The following DNM1L variants were observed in gnomAD, a reference collection of about 807,000 sequenced individuals.
DNM1L encodes dynamin-1-like protein.
In DNM1L, 33 loss-of-function variants were observed where a neutral mutation model predicts 92.8. The ratio of observed to expected loss-of-function variants is 0.36; its 90% CI spans 0.27 to 0.48. The LOEUF (loss-of-function observed/expected upper bound fraction) is 0.48, where lower values mean the gene tolerates loss of function less well. DNM1L is among the 20% of genes least tolerant of loss of function. DNM1L has a pLI of 0.99. For missense variants in DNM1L, 485 were observed against 888.8 expected (o/e 0.55, Z 5.78); for synonymous variants, 284 against 305.0 (o/e 0.93, Z 0.72).
rs1951739183 is a variant in DNM1L at position 32,679,863 on chromosome 12, G to C, written c.102+398G>C. 5 of 994,470 alleles carry C rather than the reference G, an allele frequency of 5.0e-6. No homozygotes were observed. In the South Asian group the frequency reaches 1.4e-4, roughly 28 times the overall value. The allele number at this position is 994,470 out of a possible 1,614,324, so 61.6% of individuals were successfully genotyped here. On this transcript the variant is annotated intron_variant, in intron 1 of 19. Transcript: ENST00000549701. ...GGGGCACTCGGGTCTCGCTGGGCTCGGTGGGCTGGCTGTTCCCATCACTGT... is the reference window on the plus strand; with the variant it reads ...GGGGCACTCGGGTCTCGCTGGGCTCCGTGGGCTGGCTGTTCCCATCACTGT...
intron 1 of DNM1L, among the ~76,000 whole-genome samples, chr12:32,699,075 C>T (rs61369285): frequency 0.15 from 23,374 of 151,568 alleles, 1,901 homozygotes; most frequent in Middle Eastern, 0.21. Context: ...TATAGAAGAA[C>T]GGCCTTGTTC....
rs1952849172 is a variant in DNM1L, at chr12:32,704,589, ATAATGCT to A, written c.251-2774_251-2768del. Among the ~76,000 whole-genome samples the A allele has an allele frequency of 3.3e-5, 5 of 152,260 alleles. No homozygotes were observed. The South Asian group carries it at 8.3e-4, about 25-fold the overall frequency. On this transcript the variant is annotated intron_variant, in intron 2 of 19. Coordinates refer to ENST00000549701, the MANE Select transcript of DNM1L (RefSeq NM_012062.5). ...AATGCAAACATACATGTTTCGTAGAATAATGCTTAAAATCTTGGTATAATTTGAAATT... is the reference window on the plus strand; with the variant it reads ...AATGCAAACATACATGTTTCGTAGAATAAAATCTTGGTATAATTTGAAATT...
chr12:32,707,456 AT>A, intron 3 of DNM1L, 43 bp downstream of exon 3: 8 of 1,389,402 alleles, frequency 5.8e-6, no homozygotes, highest in African/African-American at 1.5e-5. Flanking sequence ...GTTGAAAAAA[AT>A]ATATTGTATG....
chr12:32,680,470 T>A (rs1951764808), intron 1 of DNM1L, among the ~76,000 whole-genome samples: 1 of 152,198 alleles, frequency 6.6e-6, no homozygotes, highest in African/African-American at 2.4e-5. Flanking sequence ...GTTCAAAGTA[T>A]TAGTGGCTAT....
chr12:32,699,748 G>A (rs1032104048), intron 1 of DNM1L, among the ~76,000 whole-genome samples: 1 of 148,494 alleles, frequency 6.7e-6, no homozygotes, highest in African/African-American at 2.5e-5. Flanking sequence ...GAGCCAAGAT[G>A]GTGCCACTGC....
chr12:32,725,467 G>GA (rs1300601669), intron 9 of DNM1L: 1 of 152,098 alleles, frequency 6.6e-6, no homozygotes, highest in Non-Finnish European at 1.5e-5. Flanking sequence ...ACCTCACTGT[G>GA]GTACCAGTAA....
intron 1 of DNM1L, among the ~76,000 whole-genome samples, chr12:32,690,126 G>T (rs1002922932): frequency 6.6e-6 from 1 of 152,170 alleles, no homozygotes; most frequent in East Asian, 1.9e-4. Flanking sequence ...AAATCACCAG[G>T]TGGGGGAAAA....
chr12:32,730,170 C>T (rs956907822), intron 9 of DNM1L, among the ~76,000 whole-genome samples: 2 of 150,890 alleles, frequency 1.3e-5, no homozygotes, highest in African/African-American at 4.9e-5. Context: ...TCAAGACCAT[C>T]CTGGCCAACG....
In DNM1L at chr12:32,740,422, C is replaced by T. The variant is rs1955210177; in HGVS notation, c.1898C>T (p.Ala633Val). Reference sequence around the variant, plus strand: ...ATCCCTATTTAGCCAGTTCCTGTTGCACGAAAACTATCTGCTCGGGAACAG... The same window carrying T: ...ATCCCTATTTAGCCAGTTCCTGTTGTACGAAAACTATCTGCTCGGGAACAG... ...VNLLDVPVPVARKLSAREQRD... is the reference protein window; with the variant it reads ...VNLLDVPVPVVRKLSAREQRD... The change falls in exon 18 of 20, where the codon GCA (alanine) becomes GTA (valine). Residue 633 changes from alanine (A) to valine (V), a missense_variant. By Grantham distance (64) the Ala-to-Val change is moderately conservative. Around this residue, in one of 11 missense-constraint regions of DNM1L, gnomAD observed 133 missense variants for 210.9 expected, o/e 0.63. Coordinates refer to ENST00000549701, the MANE Select transcript of DNM1L (RefSeq NM_012062.5). 1 of 1,613,834 alleles carries T rather than the reference C, an allele frequency of 6.2e-7. No individual in the cohort carries two copies. The highest frequency in any genetic ancestry group is 1.7e-5 in the Admixed American group (1 of 59,992).
At position 32,744,595 on chromosome 12, in the gene DNM1L, C is replaced by A; in HGVS notation, c.*1185C>A. ...GGGCGTGGTGGCGCATGCCTGTAAT[C>A]CCAGCTACTCGGGAGGGTGAGGCAG... is the stretch of plus-strand genomic sequence containing the variant. On this transcript the variant is annotated 3_prime_UTR_variant, in exon 20 of 20. Transcript: ENST00000549701. The A allele has an allele frequency of 4.2e-6, 1 of 237,984 alleles. No homozygotes were observed. Among genetic ancestry groups the A allele is most frequent in the Non-Finnish European group, 8.2e-6 (1 of 121,870 alleles). The allele number at this position is 237,984 out of a possible 1,614,324, so 14.7% of individuals were successfully genotyped here. A position where few individuals can be genotyped will look rare whatever the true frequency, so the allele number is the denominator to read the frequency against.
Position 32,689,424 on chromosome 12 carries a change from G to C in DNM1L, c.102+9959G>C, listed in dbSNP as rs761791132. Among the ~76,000 whole-genome samples the C allele has an allele frequency of 7.4e-4, 112 of 152,022 alleles. 1 individual carries two copies. The highest frequency in any genetic ancestry group is 1.0e-3 in the Non-Finnish European group (69 of 68,004). On this transcript the variant is annotated intron_variant, in intron 1 of 19. Transcript: ENST00000549701. ...GTTAGTCAGTCTGGTCTCAACCTCA[G>C]GTGATCTGCCCGCCTCACCCTCCCA...
intron 19 of DNM1L, 38 bp from the exon 20 acceptor site, chr12:32,743,316 T>TATA (rs762941547): frequency 2.5e-6 from 4 of 1,580,932 alleles, no homozygotes; most frequent in Non-Finnish European, 3.5e-6. Flanking sequence ...TTCATAACTT[T>TATA]ATAATAAGCA....
intron 6 of DNM1L, among the ~76,000 whole-genome samples, chr12:32,717,406 A>ATACT (rs1297468201): frequency 8.4e-5 from 6 of 71,564 alleles, no homozygotes; most frequent in Non-Finnish European, 1.3e-4. Context: ...TATAATATAT[A>ATACT]ATATATATTT....
intron 4 of DNM1L, 22 bp from the exon 5 acceptor site, chr12:32,710,907 A>G: frequency 6.5e-7 from 1 of 1,534,984 alleles, no homozygotes; most frequent in Non-Finnish European, 8.9e-7. Flanking sequence ...AAATTTTAAT[A>G]TATTTTAAAA....
Position 32,743,286 on chromosome 12 carries a change from C to T in DNM1L, c.2155-68C>T, listed in dbSNP as rs572939644. ...ACCACATATATATTGGAAAAATTACCCTGCGTAATTCAGATTAATTTCATA... is the reference window on the plus strand; with the variant it reads ...ACCACATATATATTGGAAAAATTACTCTGCGTAATTCAGATTAATTTCATA... On this transcript the variant is annotated intron_variant, in intron 19 of 19. Transcript: ENST00000549701. The T allele has an allele frequency of 2.2e-5, 30 of 1,391,274 alleles. No individual in the cohort carries two copies. In the East Asian group the frequency reaches 2.6e-4, roughly 12 times the overall value. The allele number at this position is 1,391,274 out of a possible 1,614,324, so 86.2% of individuals were successfully genotyped here. A position where few individuals can be genotyped will look rare whatever the true frequency, so the allele number is the denominator to read the frequency against.
In DNM1L at chr12:32,679,315, C is replaced by T. The variant is rs1951709729; in HGVS notation, c.-49C>T. ...GGAGGCGAACTGTGGGCCCCGGCCCCATTCATTGCCGTGGCCGGCGGGCAC... is the reference window on the plus strand; with the variant it reads ...GGAGGCGAACTGTGGGCCCCGGCCCTATTCATTGCCGTGGCCGGCGGGCAC... On this transcript the variant is annotated 5_prime_UTR_variant, in exon 1 of 20. Coordinates refer to ENST00000549701, the MANE Select transcript of DNM1L (RefSeq NM_012062.5). The T allele has an allele frequency of 1.5e-6, 2 of 1,303,594 alleles. No homozygotes were observed. The highest frequency in any genetic ancestry group is 2.2e-6 in the Non-Finnish European group (2 of 903,998). The allele number at this position is 1,303,594 out of a possible 1,614,324, so 80.8% of individuals were successfully genotyped here. A position where few individuals can be genotyped will look rare whatever the true frequency, so the allele number is the denominator to read the frequency against.
intron 7 of DNM1L, 32 bp from the exon 8 acceptor site, chr12:32,720,632 G>T: frequency 6.2e-7 from 1 of 1,613,228 alleles, no homozygotes. Flanking sequence ...CAACAGTTAA[G>T]CTGAATAGTT....
At chr12:32,706,908 A>G in intron 2 of DNM1L, 2 of 284,850 alleles carry the variant, frequency 7.0e-6, no homozygotes, top group Non-Finnish European at 1.4e-5. Flanking sequence ...ATATGTGTAC[A>G]TCTGTTACAT....
rs1433078933 is a variant in DNM1L, at chr12:32,742,657, G to GC, written c.2065dup (p.Gln689ProfsTer4). On this transcript the variant is annotated frameshift_variant, in exon 19 of 20. Coordinates refer to ENST00000549701, the MANE Select transcript of DNM1L (RefSeq NM_012062.5). LOFTEE classifies it high-confidence loss of function. Reference sequence around the variant, plus strand: ...GACACTCTTCAGAGTGAGCTAGTAGGCCAGCTGTATAAATCATCCTTATTG... The same window carrying GC: ...GACACTCTTCAGAGTGAGCTAGTAGGCCCAGCTGTATAAATCATCCTTATTG... The GC allele has an allele frequency of 6.2e-7, 1 of 1,614,080 alleles. No homozygotes were observed. Among genetic ancestry groups the GC allele is most frequent in the Admixed American group, 1.7e-5 (1 of 60,012 alleles).
Sources: allele counts gnomAD v4.1 joint callset (sites outside exome capture counted in the v4.1 genomes callset), GRCh38; gene constraint gnomAD v4.1.1; regional missense constraint gnomAD v4.1.1; transcripts MANE v1.5; gene names NCBI Gene and HGNC (gene_info 2026-07-23, HGNC 2026-07-21).